The following ADPRHL1 variants were observed in gnomAD, a reference collection of about 807,000 sequenced individuals.
The protein encoded by ADPRHL1 is ADP-ribosylhydrolase like 1.
A neutral mutation model predicts 44.1 loss-of-function variants in ADPRHL1; 43 were observed. That is an observed-to-expected ratio of 0.98 (90% CI 0.76 to 1.26). ADPRHL1 has a LOEUF of 1.26. Ranked by LOEUF, ADPRHL1 falls within the 50% of genes most tolerant of loss-of-function variation. The probability of loss-of-function intolerance (pLI) is 0.00; values close to 1 mark genes in which losing one functional copy is unlikely to be tolerated. For synonymous variants in ADPRHL1, 878 were observed against 1,017.4 expected, an observed-to-expected ratio of 0.86 and a Z score of 2.61; for missense variants, 2,022 against 2,496.9, an observed-to-expected ratio of 0.81 and a Z score of 4.05.
chr13:113,403,613 G>A lies in ADPRHL1; in HGVS notation c.5669C>T (p.Pro1890Leu). 4 of 1,231,636 alleles carry A rather than the reference G, an allele frequency of 3.2e-6. No homozygotes were observed. The highest frequency in any genetic ancestry group is 4.0e-6 in the Non-Finnish European group (4 of 987,962). The allele number at this position is 1,231,636 out of a possible 1,614,324, so 76.3% of individuals were successfully genotyped here. A position where few individuals can be genotyped will look rare whatever the true frequency, so the allele number is the denominator to read the frequency against. ...GGGAGTCCCGCAGCCCCCAGCCTCA[G>A]GCTTGGGCTCAGTTGGGCTCTTTCC... ...GLGKSPTEPK[P>L]EAGGCGTPQA... The change falls in exon 8 of 8, where the codon CCT becomes CTT. Residue 1890 changes from proline (P) to leucine (L), a missense_variant. Pro to Leu is a moderately conservative substitution (Grantham distance 98, BLOSUM62 -3). Coordinates refer to ENST00000612156, the MANE Select transcript of ADPRHL1 (RefSeq NM_001394807.1).
chr13:113,448,512 C>A (rs112325978), intron 1 of ADPRHL1, among the ~76,000 whole-genome samples: 12 of 150,564 alleles, frequency 8.0e-5, no homozygotes, highest in Admixed American at 2.0e-4. Flanking sequence ...GTCTCCCAAC[C>A]CATGTCTCAA....
In ADPRHL1 at chr13:113,402,654, T is replaced by C. The variant is rs1194545103; in HGVS notation, c.*724A>G. On this transcript the variant is annotated 3_prime_UTR_variant, in exon 8 of 8. Transcript: ENST00000612156. ...TCCAGACGAAGCCTCCCTGGGATCCTGGCTTCCCACGGCTCTGCACTGTCC... is the reference window on the plus strand; with the variant it reads ...TCCAGACGAAGCCTCCCTGGGATCCCGGCTTCCCACGGCTCTGCACTGTCC... The C allele has an allele frequency of 6.6e-6, 1 of 152,292 alleles. No individual in the cohort carries two copies. The highest frequency in any genetic ancestry group is 1.5e-5 in the Non-Finnish European group (1 of 68,188). 9.4% of individuals were successfully genotyped at this position (152,292 alleles called of 1,614,324 possible). A position where few individuals can be genotyped will look rare whatever the true frequency, so the allele number is the denominator to read the frequency against.
At position 113,429,051 on chromosome 13, in the gene ADPRHL1, C is replaced by G; in HGVS notation, c.547G>C (p.Ala183Pro). 6.2e-7 allele frequency: 1 copy of G among 1,612,584 alleles called. No individual in the cohort carries two copies. Among genetic ancestry groups the G allele is most frequent in the East Asian group, 2.2e-5 (1 of 44,864 alleles). ...TGGACCAGGGGCTTTCCTTGTGCGG[C>G]GAACGACACAAACAGGGCCGTGCAC... Reference protein sequence around the residue: ...SLCTALFVSFAAQGKPLVQWG... With the variant: ...SLCTALFVSFPAQGKPLVQWG... Residue 183 changes from alanine (A) to proline (P), a missense_variant, in exon 4 of 8, where the codon GCC (alanine) becomes CCC (proline). By Grantham distance (27) the Ala-to-Pro change is conservative. Coordinates refer to ENST00000612156, the MANE Select transcript of ADPRHL1 (RefSeq NM_001394807.1).
At chr13:113,415,039 G>A (rs747798779) in intron 7 of ADPRHL1, among the ~76,000 whole-genome samples, 4 of 152,176 alleles carry the variant, frequency 2.6e-5, no homozygotes, top group Non-Finnish European at 4.4e-5. Flanking sequence ...GAAGATCAGG[G>A]AGGGCGACAC....
chr13:113,444,689 G>A (rs2044124079), intron 1 of ADPRHL1, 100 bp from the exon 2 acceptor site: 1 of 1,409,822 alleles, frequency 7.1e-7, no homozygotes, highest in Non-Finnish European at 9.7e-7. Context: ...AAGAAAGGGA[G>A]GGCAGACACT....
intron 7 of ADPRHL1, among the ~76,000 whole-genome samples, chr13:113,410,346 G>A (rs112270776): frequency 5.9e-5 from 9 of 152,304 alleles, no homozygotes; most frequent in Admixed American, 1.3e-4. Flanking sequence ...TCTGATCCAC[G>A]GTCTGGGGAG....
chr13:113,444,207 C>A (rs184857251), intron 2 of ADPRHL1, among the ~76,000 whole-genome samples: 2 of 150,670 alleles, frequency 1.3e-5, no homozygotes, highest in Non-Finnish European at 3.0e-5. Flanking sequence ...CCGCGCTTGC[C>A]GGGCTGACCA....
chr13:113,428,981 T>C lies in ADPRHL1; in HGVS notation c.617A>G (p.Tyr206Cys). 1 of 1,612,766 alleles carries C rather than the reference T, an allele frequency of 6.2e-7. No homozygotes were observed. Among genetic ancestry groups the C allele is most frequent in the Non-Finnish European group, 8.5e-7 (1 of 1,179,978 alleles). Residue 206 changes from tyrosine to cysteine, a missense_variant, in exon 4 of 8, where the codon TAC (tyrosine) becomes TGC (cysteine). This residue lies in a region of ADPRHL1 where 437 missense variants were observed against 430.7 expected (regional missense o/e 1.01). Transcript: ENST00000612156. ...CGTGTGCCGGATGGTCTTCCTGCAG[T>C]ACTCTTCTGCCAGAGGCACCGCCCG... ...MLRAVPLAEE[Y>C]CRKTIRHTAE...
rs1385235010 is a variant in ADPRHL1 at position 113,400,241 on chromosome 13, GT to G, written c.*3136del. 3 of 148,790 alleles carry G rather than the reference GT, an allele frequency of 2.0e-5. No individual in the cohort carries two copies. The highest frequency in any genetic ancestry group is 3.9e-4 in the East Asian group (2 of 5,094). 9.2% of individuals were successfully genotyped at this position (148,790 alleles called of 1,614,324 possible). ...GCTCACTGCAAGCTCCACCTCCCGGGTTCACGCCATTCTCCTGTCTCAGGCT... is the reference window on the plus strand; with the variant it reads ...GCTCACTGCAAGCTCCACCTCCCGGGTCACGCCATTCTCCTGTCTCAGGCT... On this transcript the variant is annotated 3_prime_UTR_variant, in exon 8 of 8. Transcript: ENST00000612156.
At position 113,424,037 on chromosome 13, in the gene ADPRHL1, C is replaced by G. The variant is rs115924315; in HGVS notation, c.907+180G>C. Among the ~76,000 whole-genome samples the G allele has an allele frequency of 4.4e-3, 676 of 152,302 alleles. 1 individual carries two copies. Among genetic ancestry groups the G allele is most frequent in the African/African-American group, 0.015 (611 of 41,556 alleles). On this transcript the variant is annotated intron_variant, in intron 6 of 7. Transcript: ENST00000612156. ...CCTCACATGAGCACGCTTAGGTCAG[C>G]AGGTATACCCTGGAGCCTGTGCCCT...
rs868247012 is a variant in ADPRHL1 at position 113,434,816 on chromosome 13, A to G, written c.380-949T>C. Among the ~76,000 whole-genome samples, 142 of 45,014 alleles carry G rather than the reference A, an allele frequency of 3.2e-3. 27 individuals are homozygous for G. The highest frequency in any genetic ancestry group is 0.013 in the African/African-American group (122 of 9,524). The allele number at this position is 45,014 out of a possible 152,430, so 29.5% of individuals were successfully genotyped here. A position where few individuals can be genotyped will look rare whatever the true frequency, so the allele number is the denominator to read the frequency against. ...GTACCCCAGGACCCGGCACCCATGC[A>G]TAGAGTGAACATAGGTGTACCCCGG... On this transcript the variant is annotated intron_variant, in intron 2 of 7. Transcript: ENST00000612156.
At chr13:113,410,684 G>A (rs1462971570) in intron 7 of ADPRHL1, among the ~76,000 whole-genome samples, 1 of 149,244 alleles carries the variant, frequency 6.7e-6, no homozygotes, top group Non-Finnish European at 1.5e-5. Flanking sequence ...AACTGCCCCA[G>A]CCAGAGGCCG....
intron 1 of ADPRHL1, among the ~76,000 whole-genome samples, chr13:113,447,078 GGT>G (rs2044145534): frequency 6.7e-6 from 1 of 148,940 alleles, no homozygotes; most frequent in Non-Finnish European, 1.5e-5. Flanking sequence ...CTACATGCAT[GGT>G]GTGTGTGCAT....
At position 113,433,823 on chromosome 13, in the gene ADPRHL1, G is replaced by A. The variant is rs554803788; in HGVS notation, c.424C>T (p.Arg142Trp). 31 of 1,576,006 alleles carry A rather than the reference G, an allele frequency of 2.0e-5. No homozygotes were observed. The South Asian group carries it at 2.3e-4, about 12-fold the overall frequency. The change falls in exon 3 of 8, where the codon CGG (arginine) becomes TGG (tryptophan). Residue 142 changes from arginine (R) to tryptophan (W), a missense_variant. By Grantham distance (101) the Arg-to-Trp change is moderately radical. Around this residue, in one of 8 missense-constraint regions of ADPRHL1, gnomAD observed 437 missense variants for 430.7 expected, o/e 1.01. Coordinates refer to ENST00000612156, the MANE Select transcript of ADPRHL1 (RefSeq NM_001394807.1). ...TCCAGCCGCTCAGGCTTCCAGTACC[G>A]CAGGCCGATGCACATGGCCTTGGTG... ...AATKAMCIGL[R>W]YWKPERLETL...
intron 7 of ADPRHL1, among the ~76,000 whole-genome samples, chr13:113,418,630 T>C (rs1482141973): frequency 6.6e-6 from 1 of 152,200 alleles, no homozygotes; most frequent in African/African-American, 2.4e-5. Context: ...GTGTGACTTC[T>C]GTGTGGTGTG....
chr13:113,432,892 T>G (rs1010567533), intron 3 of ADPRHL1, among the ~76,000 whole-genome samples: 2 of 152,214 alleles, frequency 1.3e-5, no homozygotes, highest in African/African-American at 4.8e-5. Context: ...CTTTTTGCTT[T>G]TTTTAAATGG....
chr13:113,433,190 G>C (rs561966688), intron 3 of ADPRHL1, among the ~76,000 whole-genome samples: 1 of 152,220 alleles, frequency 6.6e-6, no homozygotes, highest in Admixed American at 6.5e-5. Context: ...TGTGGCCCGT[G>C]GGGTGGAGCC....
rs558592606 is a variant in ADPRHL1, at chr13:113,420,751, G to A, written c.1061+2075C>T. Among the ~76,000 whole-genome samples, 19 of 152,070 alleles carry A rather than the reference G, an allele frequency of 1.2e-4. No homozygotes were observed. In the East Asian group the frequency reaches 3.1e-3, roughly 25 times the overall value. On this transcript the variant is annotated intron_variant, in intron 7 of 7. Coordinates refer to ENST00000612156, the MANE Select transcript of ADPRHL1 (RefSeq NM_001394807.1). The stretch of plus-strand genomic sequence containing the variant: ...ACATTGCTGCAGCATAGAAGGCCAC[G>A]GATTCCTCCATCAGCATGGACTACA...
rs976475142 is a variant in ADPRHL1, at chr13:113,403,463, T to C, written c.5819A>G (p.Gln1940Arg). 8.1e-7 allele frequency: 1 copy of C among 1,231,994 alleles called. No homozygotes were observed. The highest frequency in any genetic ancestry group is 4.2e-5 in the Admixed American group (1 of 23,700). 76.3% of individuals were successfully genotyped at this position (1,231,994 alleles called of 1,614,324 possible). A position where few individuals can be genotyped will look rare whatever the true frequency, so the allele number is the denominator to read the frequency against. ...RSRHLAKYKA[Q>R]SFRDQRAFDL... ...GAAGGCCCTCTGGTCACGGAAGCTC[T>C]GGGCTTTGTACTTGGCCAGGTGCCT... The change falls in exon 8 of 8, where the codon CAG becomes CGG. Residue 1940 changes from glutamine to arginine, a missense_variant. Gln to Arg is a conservative substitution (Grantham distance 43). Coordinates refer to ENST00000612156, the MANE Select transcript of ADPRHL1 (RefSeq NM_001394807.1).
Sources: gnomAD v4.1 joint callset for allele counts (sites outside exome capture counted in the v4.1 genomes callset) on GRCh38, gnomAD v4.1.1 for gene constraint, gnomAD v4.1.1 regional missense constraint, MANE v1.5 for transcripts, NCBI Gene and HGNC (gene_info 2026-07-23, HGNC 2026-07-21) for gene names.